PRKD1: variants seen among roughly 807,000 people sequenced by gnomAD.
PRKD1 encodes serine/threonine-protein kinase D1.
PRKD1 carries 63 observed loss-of-function variants against 95.9 expected under a neutral mutation model. That is an observed-to-expected ratio of 0.66 (90% confidence interval 0.54 to 0.81). The LOEUF (loss-of-function observed/expected upper bound fraction) is 0.81. Ranked by LOEUF, PRKD1 falls within the 30% of genes least tolerant of loss-of-function variation. The pLI, the probability that PRKD1 is intolerant of heterozygous loss-of-function variation, is 0.00. For missense variants in PRKD1, 1,048 were observed against 1,165.3 expected (o/e 0.90, Z 1.47); for synonymous variants, 425 against 423.1 (o/e 1.00, Z -0.05).
At chr14:29,621,414 A>C (rs924673429) in intron 13 of PRKD1, among the ~76,000 whole-genome samples, 2 of 148,808 alleles carry the variant, frequency 1.3e-5, no homozygotes, top group African/African-American at 2.5e-5. Flanking sequence ...TTCTCTCTTT[A>C]TTTCTTTCCC....
intron 1 of PRKD1, among the ~76,000 whole-genome samples, chr14:29,794,485 C>G (rs1889720659): frequency 6.6e-6 from 1 of 151,946 alleles, no homozygotes; most frequent in African/African-American, 2.4e-5. Flanking sequence ...AAATGTTGTA[C>G]AGTGATTTAC....
At chr14:29,767,598 C>T (rs943102456) in intron 1 of PRKD1, among the ~76,000 whole-genome samples, 1 of 152,120 alleles carries the variant, frequency 6.6e-6, no homozygotes, top group African/African-American at 2.4e-5. Context: ...TGGATTCATT[C>T]CTCATTCCAT....
intron 1 of PRKD1, among the ~76,000 whole-genome samples, chr14:29,878,763 A>C (rs1277583928): frequency 6.6e-6 from 1 of 152,142 alleles, no homozygotes; most frequent in Non-Finnish European, 1.5e-5. Flanking sequence ...GGAGGACAGG[A>C]ATGGGGAATT....
At chr14:29,710,651 G>A (rs1344889548) in intron 2 of PRKD1, among the ~76,000 whole-genome samples, 1 of 151,962 alleles carries the variant, frequency 6.6e-6, no homozygotes, top group African/African-American at 2.4e-5. Context: ...GCAGAAACAG[G>A]ACATTAATGA....
intron 13 of PRKD1, among the ~76,000 whole-genome samples, chr14:29,602,315 G>C (rs60395572): frequency 0.025 from 3,760 of 152,118 alleles, 163 homozygotes; most frequent in African/African-American, 0.085. Flanking sequence ...TGCTTCTGCT[G>C]ATCTTAGATT....
At chr14:29,768,819 T>G (rs1366655155) in intron 1 of PRKD1, among the ~76,000 whole-genome samples, 2 of 152,048 alleles carry the variant, frequency 1.3e-5, no homozygotes, top group East Asian at 3.9e-4. Flanking sequence ...TTCATGGCCA[T>G]GTTACTCTGA....
chr14:29,680,641 G>C (rs1030726582), intron 2 of PRKD1, among the ~76,000 whole-genome samples: 1 of 152,144 alleles, frequency 6.6e-6, no homozygotes, highest in South Asian at 2.1e-4. Context: ...TGAAGGGAAA[G>C]CCCAAGTTTT....
chr14:29,885,605 A>G (rs535165306), intron 1 of PRKD1, among the ~76,000 whole-genome samples: 1 of 152,268 alleles, frequency 6.6e-6, no homozygotes, highest in South Asian at 2.1e-4. Flanking sequence ...CAAAATCTGA[A>G]TAAGAACAGC....
intron 1 of PRKD1, among the ~76,000 whole-genome samples, chr14:29,725,911 T>C (rs924046723): frequency 6.6e-6 from 1 of 152,126 alleles, no homozygotes; most frequent in African/African-American, 2.4e-5. Flanking sequence ...GTTTTCTAAT[T>C]AGACAGCAAG....
chr14:29,711,961 T>C (rs1410700845), intron 2 of PRKD1, among the ~76,000 whole-genome samples: 1 of 152,152 alleles, frequency 6.6e-6, no homozygotes, highest in African/African-American at 2.4e-5. Context: ...GGATCACCAT[T>C]AACAAATAGA....
intron 15 of PRKD1, among the ~76,000 whole-genome samples, chr14:29,598,316 AT>A (rs1236859362): frequency 2.3e-4 from 35 of 151,184 alleles, no homozygotes; most frequent in African/African-American, 6.8e-4. Flanking sequence ...ATAAAATAAA[AT>A]AAAATAAAAA....
chr14:29,829,454 G>T (rs1255034736), intron 1 of PRKD1, among the ~76,000 whole-genome samples: 2 of 152,164 alleles, frequency 1.3e-5, no homozygotes, highest in African/African-American at 4.8e-5. Flanking sequence ...AGGGAAGAGT[G>T]TCACAGCGTG....
At chr14:29,839,096 A>C (rs1891727015) in intron 1 of PRKD1, among the ~76,000 whole-genome samples, 1 of 152,220 alleles carries the variant, frequency 6.6e-6, no homozygotes, top group African/African-American at 2.4e-5. Context: ...AATAAACGAA[A>C]AAAAAAATTC....
chr14:29,877,405 C>T (rs528686058), intron 1 of PRKD1, among the ~76,000 whole-genome samples: 1 of 152,316 alleles, frequency 6.6e-6, no homozygotes, highest in South Asian at 2.1e-4. Flanking sequence ...TTGTCAGATG[C>T]ATACTTTGCA....
At chr14:29,828,992 C>A (rs1891301591) in intron 1 of PRKD1, among the ~76,000 whole-genome samples, 1 of 152,196 alleles carries the variant, frequency 6.6e-6, no homozygotes, top group African/African-American at 2.4e-5. Flanking sequence ...GGGAAGCTTT[C>A]TCTTAGGGGG....
chr14:29,685,778 C>T (rs1445708759), intron 2 of PRKD1, among the ~76,000 whole-genome samples: 1 of 151,706 alleles, frequency 6.6e-6, no homozygotes, highest in African/African-American at 2.4e-5. Flanking sequence ...CTATGCAATA[C>T]TGGACCAGCT....
chr14:29,615,224 ATATT>A (rs1231985803), intron 13 of PRKD1, among the ~76,000 whole-genome samples: 1 of 152,136 alleles, frequency 6.6e-6, no homozygotes, highest in East Asian at 1.9e-4. Context: ...AATGTCTATA[ATATT>A]TATATTCTAA....
intron 4 of PRKD1, among the ~76,000 whole-genome samples, chr14:29,641,182 C>T (rs1489940850): frequency 6.6e-6 from 1 of 152,136 alleles, no homozygotes; most frequent in Non-Finnish European, 1.5e-5. Flanking sequence ...CACAGCCAGC[C>T]ACATGTGTCC....
At chr14:29,636,183 G>A (rs1880355641) in intron 7 of PRKD1, 107 bp downstream of exon 7, 4 of 1,318,568 alleles carry the variant, frequency 3.0e-6, no homozygotes, top group Admixed American at 1.7e-5. Flanking sequence ...AAAAGTAAAC[G>A]TGCACTTCAC....
Sources: gnomAD v4.1 joint callset for allele counts (sites outside exome capture counted in the v4.1 genomes callset) on GRCh38, gnomAD v4.1.1 for gene constraint, MANE v1.5 for transcripts, NCBI Gene and HGNC (gene_info 2026-07-23, HGNC 2026-07-21) for gene names.